The following BPTF variants were observed in gnomAD, a reference collection of about 807,000 sequenced individuals.
The protein encoded by BPTF is nucleosome-remodeling factor subunit BPTF.
BPTF carries 18 observed loss-of-function variants against 292.5 expected under a neutral mutation model. The observed-to-expected ratio is 0.06, with a 90% confidence interval of 0.04 to 0.09. BPTF has a LOEUF of 0.09. Ranked by LOEUF, BPTF falls within the 10% of genes least tolerant of loss-of-function variation. The probability of loss-of-function intolerance (pLI) is 1.00; values close to 1 mark genes in which losing one functional copy is unlikely to be tolerated. For missense variants in BPTF, 2,726 were observed against 3,498.7 expected, an observed-to-expected ratio of 0.78 and a Z score of 5.57; for synonymous variants, 1,225 against 1,251.9, an observed-to-expected ratio of 0.98 and a Z score of 0.45.
At chr17:67,939,568 T>A (rs1460272772) in intron 18 of BPTF, among the ~76,000 whole-genome samples, 1 of 152,220 alleles carries the variant, frequency 6.6e-6, no homozygotes, top group Non-Finnish European at 1.5e-5. Flanking sequence ...AGACATTTAT[T>A]GAACAATTAC....
intron 1 of BPTF, among the ~76,000 whole-genome samples, chr17:67,835,454 A>C (rs2057049094): frequency 6.6e-6 from 1 of 152,208 alleles, no homozygotes; most frequent in Non-Finnish European, 1.5e-5. Flanking sequence ...TAAATCCTGC[A>C]CAGCTTGGGT....
intron 15 of BPTF, among the ~76,000 whole-genome samples, chr17:67,926,387 C>A (rs1446218617): frequency 7.2e-6 from 1 of 139,854 alleles, no homozygotes; most frequent in African/African-American, 2.7e-5. Context: ...TGCAGTGGCG[C>A]GATCTCGGCT....
chr17:67,879,536 A>T (rs1259216208), intron 4 of BPTF, among the ~76,000 whole-genome samples: 2 of 152,216 alleles, frequency 1.3e-5, no homozygotes, highest in African/African-American at 4.8e-5. Context: ...CTTCTTTAGT[A>T]GATAATGGCT....
Position 67,904,711 on chromosome 17 carries a change from C to A in BPTF, c.2683C>A (p.Gln895Lys). ...TFPVKHQVWK[Q>K]KGEEYRVTGY... Reference sequence around the variant, plus strand: ...TTTTCATTTACACCAGGTTTGGAAACAAAAAGGTGAAGAGTACAGAGTGAC... The same window carrying A: ...TTTTCATTTACACCAGGTTTGGAAAAAAAAAGGTGAAGAGTACAGAGTGAC... The change falls in exon 9 of 28, where the codon CAA (glutamine) becomes AAA (lysine). Residue 895 changes from glutamine to lysine, a missense_variant. Around this residue, in one of 22 missense-constraint regions of BPTF, gnomAD observed 99 missense variants for 227.1 expected, o/e 0.44. Coordinates refer to ENST00000306378, the MANE Select transcript of BPTF (RefSeq NM_182641.4). 6.2e-7 allele frequency: 1 copy of A among 1,600,966 alleles called. No individual in the cohort carries two copies. The highest frequency in any genetic ancestry group is 1.1e-5 in the South Asian group (1 of 88,268).
At chr17:67,978,655 A>G (rs1247367050) in intron 27 of BPTF, among the ~76,000 whole-genome samples, 1 of 152,084 alleles carries the variant, frequency 6.6e-6, no homozygotes, top group Non-Finnish European at 1.5e-5. Flanking sequence ...AATGAGAATT[A>G]CTCTGACCCA....
chr17:67,934,804 A>C (rs1021866315), intron 18 of BPTF, among the ~76,000 whole-genome samples: 1 of 142,072 alleles, frequency 7.0e-6, no homozygotes, highest in African/African-American at 2.7e-5. Flanking sequence ...CCCAGGAGGC[A>C]GAGGTCATGG....
At chr17:67,886,234 G>A (rs893604351) in intron 4 of BPTF, 1 of 1,614,064 alleles carries the variant, frequency 6.2e-7, no homozygotes, top group African/African-American at 1.3e-5. Flanking sequence ...ATTCTTCCCA[G>A]AGTGAATCTG....
At chr17:67,891,580 A>C (rs1290966288) in intron 4 of BPTF, 1 of 283,768 alleles carries the variant, frequency 3.5e-6, no homozygotes, top group African/African-American at 2.2e-5. Context: ...CCTGTTTTCA[A>C]ACAGATGAGT....
chr17:67,868,588 A>G (rs545634730), intron 3 of BPTF, among the ~76,000 whole-genome samples: 15 of 152,308 alleles, frequency 9.8e-5, no homozygotes, highest in African/African-American at 1.9e-4. Flanking sequence ...GTGCCTTTTA[A>G]GTTTTAGCTT....
chr17:67,832,818 C>T (rs1441653847), intron 1 of BPTF, among the ~76,000 whole-genome samples: 3 of 129,394 alleles, frequency 2.3e-5, no homozygotes, highest in African/African-American at 6.1e-5. Flanking sequence ...GGCAGAGTCT[C>T]GCTCTGTCAC....
chr17:67,962,461 C>T, intron 24 of BPTF, among the ~76,000 whole-genome samples: 1 of 152,210 alleles, frequency 6.6e-6, no homozygotes, highest in East Asian at 1.9e-4. Flanking sequence ...ACAGAGGCCA[C>T]TCTGCTCTCC....
At chr17:67,948,426 G>A (rs782691095) in intron 23 of BPTF, 120 bp downstream of exon 23, 6 of 926,922 alleles carry the variant, frequency 6.5e-6, no homozygotes, top group Non-Finnish European at 9.5e-6. Flanking sequence ...TTACATTTGT[G>A]TACATAGAGT....
At chr17:67,899,871 C>T (rs1259718667) in intron 7 of BPTF, among the ~76,000 whole-genome samples, 4 of 152,042 alleles carry the variant, frequency 2.6e-5, no homozygotes, top group Non-Finnish European at 5.9e-5. Flanking sequence ...GTTTGGGATG[C>T]ACACACATAG....
chr17:67,842,902 A>G (rs2057674591), intron 1 of BPTF, among the ~76,000 whole-genome samples: 2 of 151,476 alleles, frequency 1.3e-5, no homozygotes. Flanking sequence ...TAAAATAAAT[A>G]TAAAAGAAGG....
chr17:67,835,613 G>A (rs2057061596), intron 1 of BPTF, among the ~76,000 whole-genome samples: 1 of 143,896 alleles, frequency 6.9e-6, no homozygotes, highest in African/African-American at 2.5e-5. Flanking sequence ...TTGGTGGTAG[G>A]GTGAAGAGGA....
At chr17:67,924,654 A>C in intron 15 of BPTF, 65 bp downstream of exon 15, 1 of 1,554,520 alleles carries the variant, frequency 6.4e-7, no homozygotes, top group Non-Finnish European at 8.7e-7. Flanking sequence ...AAACAAAAGC[A>C]CTTGACCTCC....
intron 23 of BPTF, among the ~76,000 whole-genome samples, chr17:67,954,329 G>A (rs1316454170): frequency 3.3e-5 from 5 of 152,162 alleles, no homozygotes; most frequent in South Asian, 4.1e-4. Flanking sequence ...CACCGTACTC[G>A]GCCCTGGTTG....
intron 23 of BPTF, among the ~76,000 whole-genome samples, chr17:67,949,614 C>T (rs2066099025): frequency 1.3e-5 from 2 of 149,170 alleles, no homozygotes; most frequent in Admixed American, 6.8e-5. Context: ...CATATATATA[C>T]ACACACACAT....
chr17:67,895,836 G>C (rs373785754), intron 7 of BPTF, among the ~76,000 whole-genome samples: 1 of 152,018 alleles, frequency 6.6e-6, no homozygotes, highest in Non-Finnish European at 1.5e-5. Context: ...AATGCAATTC[G>C]ACTCCTTCCT....
Sources: gnomAD v4.1 joint callset for allele counts (sites outside exome capture counted in the v4.1 genomes callset) on GRCh38, gnomAD v4.1.1 for gene constraint, gnomAD v4.1.1 regional missense constraint, MANE v1.5 for transcripts, NCBI Gene and HGNC (gene_info 2026-07-23, HGNC 2026-07-21) for gene names.